The following NTF3 variants were observed in gnomAD, a reference collection of about 807,000 sequenced individuals.
NTF3 encodes the protein neurotrophin-3.
Under a neutral mutation model 26.3 loss-of-function variants are expected in NTF3, and 8 were observed. That is an observed-to-expected ratio of 0.30 (90% CI 0.18 to 0.55). The LOEUF (loss-of-function observed/expected upper bound fraction) is 0.55, where lower values mean the gene tolerates loss of function less well. NTF3 is among the 20% of genes least tolerant of loss of function. The pLI, the probability that NTF3 is intolerant of heterozygous loss-of-function variation, is 0.93. For missense variants in NTF3, 276 were observed against 352.9 expected, an observed-to-expected ratio of 0.78 and a Z score of 1.75; for synonymous variants, 154 against 145.5, an observed-to-expected ratio of 1.06 and a Z score of -0.42.
intron 1 of NTF3, among the ~76,000 whole-genome samples, chr12:5,493,271 G>A (rs1046829782): frequency 6.6e-6 from 1 of 152,232 alleles, no homozygotes; most frequent in African/African-American, 2.4e-5. Flanking sequence ...GAATGAGAGC[G>A]TGGATGGGTT....
At chr12:5,434,010 C>T (rs534512756) in intron 1 of NTF3, among the ~76,000 whole-genome samples, 25 of 152,292 alleles carry the variant, frequency 1.6e-4, no homozygotes, top group African/African-American at 5.5e-4. Context: ...AACATGGAAG[C>T]GCTCTGTCCT....
chr12:5,479,811 A>G (rs1414559168), intron 1 of NTF3, among the ~76,000 whole-genome samples: 1 of 152,162 alleles, frequency 6.6e-6, no homozygotes, highest in East Asian at 1.9e-4. Context: ...GCTCAGCCAT[A>G]TATGTTCCAG....
chr12:5,493,782 C>T (rs1940967627), intron 1 of NTF3, among the ~76,000 whole-genome samples: 1 of 152,154 alleles, frequency 6.6e-6, no homozygotes, highest in Admixed American at 6.5e-5. Flanking sequence ...GCCACCGCTG[C>T]TGCTGCTGAA....
chr12:5,464,255 A>G (rs1249554181), intron 1 of NTF3, among the ~76,000 whole-genome samples: 2 of 152,212 alleles, frequency 1.3e-5, no homozygotes, highest in East Asian at 3.9e-4. Flanking sequence ...TATGTGGGGT[A>G]GAGATGCCTG....
At chr12:5,471,281 G>A (rs1298677188) in intron 1 of NTF3, among the ~76,000 whole-genome samples, 1 of 152,132 alleles carries the variant, frequency 6.6e-6, no homozygotes, top group Non-Finnish European at 1.5e-5. Flanking sequence ...GTCAACTAGT[G>A]GGTGACCTTA....
intron 1 of NTF3, among the ~76,000 whole-genome samples, chr12:5,479,553 G>A (rs955639788): frequency 9.2e-5 from 14 of 152,206 alleles, no homozygotes; most frequent in African/African-American, 2.9e-4. Context: ...TAGGAAGACT[G>A]CAGGATCAGG....
At chr12:5,485,162 G>C (rs1208979118) in intron 1 of NTF3, among the ~76,000 whole-genome samples, 1 of 152,228 alleles carries the variant, frequency 6.6e-6, no homozygotes, top group Non-Finnish European at 1.5e-5. Context: ...ATATCACCTA[G>C]ATGTGTTCTT....
At chr12:5,479,403 G>T (rs917808622) in intron 1 of NTF3, among the ~76,000 whole-genome samples, 1 of 152,206 alleles carries the variant, frequency 6.6e-6, no homozygotes, top group Non-Finnish European at 1.5e-5. Context: ...TACTGATACA[G>T]CATGGTCTGC....
intron 1 of NTF3, among the ~76,000 whole-genome samples, chr12:5,451,502 A>G (rs1591594934): frequency 6.6e-6 from 1 of 152,234 alleles, no homozygotes; most frequent in African/African-American, 2.4e-5. Context: ...CTTTCTGATT[A>G]TGAAGTAAAT....
At chr12:5,431,961 C>CGGG (rs376881723), upstream of NTF3, among the ~76,000 whole-genome samples, 3 of 126,010 alleles carry the variant, frequency 2.4e-5, no homozygotes, top group Admixed American at 7.7e-5. Context: ...GAAGTGAGGG[C>CGGG]GGGGGGGGGG....
At chr12:5,465,909 A>G (rs1940583634) in intron 1 of NTF3, among the ~76,000 whole-genome samples, 1 of 152,142 alleles carries the variant, frequency 6.6e-6, no homozygotes, top group Non-Finnish European at 1.5e-5. Flanking sequence ...CCCAAGAAAC[A>G]TTTCCACCAG....
intron 1 of NTF3, among the ~76,000 whole-genome samples, chr12:5,447,246 T>C (rs1940317560): frequency 6.6e-6 from 1 of 152,242 alleles, no homozygotes. Flanking sequence ...GAAGCATTTA[T>C]GTATGGACAC....
At chr12:5,443,166 G>A (rs548401809) in intron 1 of NTF3, among the ~76,000 whole-genome samples, 216 of 152,332 alleles carry the variant, frequency 1.4e-3, no homozygotes, top group African/African-American at 5.0e-3. Context: ...TGGAGGGCCT[G>A]AGGTCTAGTC....
intron 1 of NTF3, among the ~76,000 whole-genome samples, chr12:5,480,607 C>A (rs543791985): frequency 6.6e-6 from 1 of 152,214 alleles, no homozygotes; most frequent in South Asian, 2.1e-4. Context: ...AAGGACCCTC[C>A]AACCTGATCC....
intron 1 of NTF3, 194 bp downstream of exon 1, chr12:5,432,536 C>T (rs1025523065): frequency 1.9e-5 from 3 of 160,992 alleles, no homozygotes; most frequent in Non-Finnish European, 3.8e-5. Flanking sequence ...CAGGCCGAAG[C>T]GCAACCGCAG....
intron 1 of NTF3, among the ~76,000 whole-genome samples, chr12:5,480,084 C>T (rs1940768748): frequency 6.6e-6 from 1 of 152,340 alleles, no homozygotes; most frequent in African/African-American, 2.4e-5. Context: ...TCTTCCAGTG[C>T]AGCCCCTCCA....
chr12:5,481,548 T>C (rs1488828012), intron 1 of NTF3, among the ~76,000 whole-genome samples: 12 of 12,378 alleles, frequency 9.7e-4, no homozygotes, highest in South Asian at 2.4e-3. Context: ...ACAGAATACA[T>C]ATATGCACAC....
intron 1 of NTF3, among the ~76,000 whole-genome samples, chr12:5,448,215 T>G (rs1392496413): frequency 2.0e-5 from 3 of 152,236 alleles, no homozygotes; most frequent in Non-Finnish European, 4.4e-5. Flanking sequence ...GAAAATACCC[T>G]TGAAACATCC....
At chr12:5,464,364 A>C (rs1446104627) in intron 1 of NTF3, among the ~76,000 whole-genome samples, 1 of 152,200 alleles carries the variant, frequency 6.6e-6, no homozygotes, top group Non-Finnish European at 1.5e-5. Context: ...ACAGCCCCCA[A>C]CTTAACAGTG....
Sources: gnomAD v4.1 joint callset for allele counts (sites outside exome capture counted in the v4.1 genomes callset) on GRCh38, gnomAD v4.1.1 for gene constraint, MANE v1.5 for transcripts, NCBI Gene and HGNC (gene_info 2026-07-23, HGNC 2026-07-21) for gene names.